Variants in SEC61A2 observed in about 807,000 individuals in gnomAD.
The protein encoded by SEC61A2 is SEC61 translocon subunit alpha 2.
In SEC61A2, 28 loss-of-function variants were observed where a neutral mutation model predicts 59.9. That is an observed-to-expected ratio of 0.47 (90% confidence interval 0.35 to 0.64). The LOEUF is 0.64. Ranked by LOEUF, SEC61A2 falls within the 30% of genes least tolerant of loss-of-function variation. SEC61A2 has a pLI of 0.01. For synonymous variants in SEC61A2, 202 were observed against 214.4 expected, an observed-to-expected ratio of 0.94 and a Z score of 0.50; for missense variants, 340 against 585.9, an observed-to-expected ratio of 0.58 and a Z score of 4.33.
At chr10:12,132,787 T>G (rs1833789425) in intron 1 of SEC61A2, among the ~76,000 whole-genome samples, 1 of 152,210 alleles carries the variant, frequency 6.6e-6, no homozygotes, top group Non-Finnish European at 1.5e-5. Context: ...ATACCTGCTT[T>G]CTTCTGTCAT....
chr10:12,153,939 A>G lies in SEC61A2; in HGVS notation c.463-1839A>G. 2.5e-6 allele frequency: 2 copies of G among 791,978 alleles called. No individual in the cohort carries two copies. The highest frequency in any genetic ancestry group is 3.8e-6 in the Non-Finnish European group (2 of 531,274). The allele number at this position is 791,978 out of a possible 1,614,324, so 49.1% of individuals were successfully genotyped here. A position where few individuals can be genotyped will look rare whatever the true frequency, so the allele number is the denominator to read the frequency against. On this transcript the variant is annotated intron_variant, in intron 6 of 11. Transcript: ENST00000298428. The surrounding 1 kb of genome is among the most constrained non-coding windows in gnomAD (Gnocchi z 5.2). ...AATCTACATAGCAGGTCTTGACTAA[A>G]AATTTTAAAAAACTATTAGAGAATA...
chr10:12,133,982 C>G (rs1413832707), intron 2 of SEC61A2, among the ~76,000 whole-genome samples: 2 of 152,150 alleles, frequency 1.3e-5, no homozygotes, highest in African/African-American at 4.8e-5. Flanking sequence ...GAATTTTAAA[C>G]TTACTATTTG....
Position 12,155,820 on chromosome 10 carries a change from C to CT in SEC61A2, c.506dup (p.Gln170ThrfsTer20). On this transcript the variant is annotated frameshift_variant, in exon 7 of 12. Transcript: ENST00000298428. LOFTEE classifies it high-confidence loss of function. This position sits in a 1 kb window ranked among gnomAD's most constrained non-coding sequence, Gnocchi z 4.3. ...GATTGTGCTGCTGTTAGATGAGCTGCTACAGAAGGGTTACGGCTTGGGGTC... is the reference window on the plus strand; with the variant it reads ...GATTGTGCTGCTGTTAGATGAGCTGCTTACAGAAGGGTTACGGCTTGGGGTC... 1 of 1,614,212 alleles carries CT rather than the reference C, an allele frequency of 6.2e-7. No individual in the cohort carries two copies. Among genetic ancestry groups the CT allele is most frequent in the Non-Finnish European group, 8.5e-7 (1 of 1,180,040 alleles).
rs533767063 is a variant in SEC61A2, at chr10:12,148,563, T to C, written c.221-1032T>C. On this transcript the variant is annotated intron_variant, in intron 4 of 11. Coordinates refer to ENST00000298428, the MANE Select transcript of SEC61A2 (RefSeq NM_018144.4). ...CCCGGCTTTTTTTTTTTCTTTGAGATGGAGTCTCACTCTTTCGCCAGGTTG... is the reference window on the plus strand; with the variant it reads ...CCCGGCTTTTTTTTTTTCTTTGAGACGGAGTCTCACTCTTTCGCCAGGTTG... 1.5e-3 allele frequency among the ~76,000 whole-genome samples: 215 copies of C among 142,290 alleles called. 2 individuals carry two copies. The highest frequency in any genetic ancestry group is 5.5e-3 in the African/African-American group (205 of 37,506). The allele number at this position is 142,290 out of a possible 152,430, so 93.3% of individuals were successfully genotyped here. A position where few individuals can be genotyped will look rare whatever the true frequency, so the allele number is the denominator to read the frequency against.
chr10:12,167,860 A>G (rs749752964), downstream of SEC61A2: 1 of 1,608,012 alleles, frequency 6.2e-7, no homozygotes, highest in Admixed American at 1.7e-5. Context: ...AAGGAAGGAC[A>G]AAACATCTTA....
intron 1 of SEC61A2, among the ~76,000 whole-genome samples, chr10:12,132,604 ACT>A (rs1291051096): frequency 8.2e-6 from 1 of 121,362 alleles, no homozygotes; most frequent in East Asian, 2.3e-4. Flanking sequence ...ACACAGCGAG[ACT>A]CTGTCTCAAA....
rs752701129 is a variant in SEC61A2 at position 12,153,633 on chromosome 10, A to T, written c.463-2145A>T. 109 of 1,244,276 alleles carry T rather than the reference A, an allele frequency of 8.8e-5. No homozygotes were observed. Among genetic ancestry groups the T allele is most frequent in the Non-Finnish European group, 1.2e-4 (106 of 902,304 alleles). 77.1% of individuals were successfully genotyped at this position (1,244,276 alleles called of 1,614,324 possible). On this transcript the variant is annotated intron_variant, in intron 6 of 11. Transcript: ENST00000298428. The surrounding 1 kb of genome is among the most constrained non-coding windows in gnomAD (Gnocchi z 5.2). ...CACTGATTCATTTACATGAATTCTG[A>T]TACACAAATATGCGTGTTATGGCTA...
chr10:12,162,548 A>G lies in SEC61A2; in HGVS notation c.1244+259A>G, dbSNP rs1441413612. 1.6e-6 allele frequency: 1 copy of G among 618,548 alleles called. No homozygotes were observed. The highest frequency in any genetic ancestry group is 3.0e-6 in the Non-Finnish European group (1 of 331,372). 38.3% of individuals were successfully genotyped at this position (618,548 alleles called of 1,614,324 possible). A position where few individuals can be genotyped will look rare whatever the true frequency, so the allele number is the denominator to read the frequency against. The stretch of plus-strand genomic sequence containing the variant: ...TGTTCTCAGCATTGGCTGGCTGCAC[A>G]TACAATCACCAGAGAGCTTTTAAAA... On this transcript the variant is annotated intron_variant, in intron 11 of 11. Transcript: ENST00000298428. This position sits in a 1 kb window ranked among gnomAD's most constrained non-coding sequence, Gnocchi z 6.1.
rs1365199700 is a variant in SEC61A2, at chr10:12,151,546, G to A, written c.462+1585G>A. Among the ~76,000 whole-genome samples the A allele has an allele frequency of 5.3e-5, 8 of 152,076 alleles. No homozygotes were observed. The South Asian group carries it at 6.2e-4, about 12-fold the overall frequency. The stretch of plus-strand genomic sequence containing the variant: ...AGGATGGTCTTGATCTCTTGACCTC[G>A]TGATCCGCCTGCCTCGGCCTCCCAA... On this transcript the variant is annotated intron_variant, in intron 6 of 11. Transcript: ENST00000298428.
rs1833679775 is a variant in SEC61A2, at chr10:12,129,691, A to G, written c.-97A>G. The stretch of plus-strand genomic sequence containing the variant: ...GCGGAGCCTGCGCGGGGCCGGTAGG[A>G]TCGCGTCGGGAGCCGGTACCGAGGC... On this transcript the variant is annotated 5_prime_UTR_variant, in exon 1 of 12. Transcript: ENST00000298428. This position sits in a 1 kb window ranked among gnomAD's most constrained non-coding sequence, Gnocchi z 5.6. The G allele has an allele frequency of 2.5e-6, 3 of 1,223,160 alleles. No individual in the cohort carries two copies. The highest frequency in any genetic ancestry group is 3.1e-5 in the East Asian group (1 of 31,774). The allele number at this position is 1,223,160 out of a possible 1,614,324, so 75.8% of individuals were successfully genotyped here. A position where few individuals can be genotyped will look rare whatever the true frequency, so the allele number is the denominator to read the frequency against.
At position 12,129,705 on chromosome 10, in the gene SEC61A2, C is replaced by T. The variant is rs1021370988; in HGVS notation, c.-83C>T. On this transcript the variant is annotated 5_prime_UTR_variant, in exon 1 of 12. Coordinates refer to ENST00000298428, the MANE Select transcript of SEC61A2 (RefSeq NM_018144.4). This position sits in a 1 kb window ranked among gnomAD's most constrained non-coding sequence, Gnocchi z 5.6. ...GGGCCGGTAGGATCGCGTCGGGAGC[C>T]GGTACCGAGGCCCGAGCCGCGGGAG... The T allele has an allele frequency of 6.0e-6, 8 of 1,338,248 alleles. No homozygotes were observed. Among genetic ancestry groups the T allele is most frequent in the East Asian group, 3.1e-5 (1 of 32,548 alleles). 82.9% of individuals were successfully genotyped at this position (1,338,248 alleles called of 1,614,324 possible).
At chr10:12,136,480 C>T (rs75200865) in intron 3 of SEC61A2, among the ~76,000 whole-genome samples, 4 of 151,704 alleles carry the variant, frequency 2.6e-5, no homozygotes, top group African/African-American at 7.3e-5. Flanking sequence ...GCTAAAGTCT[C>T]GCTCTGTTGC....
intron 2 of SEC61A2, among the ~76,000 whole-genome samples, chr10:12,134,457 C>T (rs781545013): frequency 6.6e-6 from 1 of 152,212 alleles, no homozygotes; most frequent in African/African-American, 2.4e-5. Context: ...TTCACCGAAT[C>T]GCGTGCACAT....
intron 11 of SEC61A2, among the ~76,000 whole-genome samples, chr10:12,163,845 C>T (rs778957206): frequency 6.6e-6 from 1 of 151,974 alleles, no homozygotes; most frequent in Non-Finnish European, 1.5e-5. Context: ...TTCAGTTTTC[C>T]AGGTGATTCT....
chr10:12,129,834 CGCA>C lies in SEC61A2; in HGVS notation c.7+42_7+44del. The C allele has an allele frequency of 7.3e-7, 1 of 1,361,606 alleles. No homozygotes were observed. The highest frequency in any genetic ancestry group is 9.5e-7 in the Non-Finnish European group (1 of 1,053,732). 84.3% of individuals were successfully genotyped at this position (1,361,606 alleles called of 1,614,324 possible). On this transcript the variant is annotated intron_variant, in intron 1 of 11. Transcript: ENST00000298428. The surrounding 1 kb of genome is among the most constrained non-coding windows in gnomAD (Gnocchi z 5.6). ...CTGGAGCGGGGACTCTGGCTGGGAA[CGCA>C]GGCCCCGCCTGGGCTGCGGGCGGTG...
downstream of SEC61A2, chr10:12,168,027 ATT>A (rs34620432): frequency 3.3e-3 from 2,039 of 611,052 alleles, no homozygotes; most frequent in South Asian, 6.7e-3. This position sits in a 1 kb window ranked among gnomAD's most constrained non-coding sequence, Gnocchi z 4.8. Context: ...AGGGATAATG[ATT>A]TTTTTTTTTT....
chr10:12,144,410 C>T (rs1427817926), intron 4 of SEC61A2, among the ~76,000 whole-genome samples: 1 of 152,116 alleles, frequency 6.6e-6, no homozygotes, highest in Non-Finnish European at 1.5e-5. Flanking sequence ...TACTTAATAT[C>T]TTACATGAGC....
At position 12,129,791 on chromosome 10, in the gene SEC61A2, G is replaced by C. The variant is rs1833684202; in HGVS notation, c.4G>C (p.Gly2Arg). Residue 2 changes from glycine (G) to arginine (R), a missense_variant, in exon 1 of 12, where the codon GGC (glycine) becomes CGC (arginine). Coordinates refer to ENST00000298428, the MANE Select transcript of SEC61A2 (RefSeq NM_018144.4). The surrounding 1 kb of genome is among the most constrained non-coding windows in gnomAD (Gnocchi z 5.6). ...CTGGGCCTCCCCAGCAGCAGCCATGGGCAGTGAGTAGCGGCGGCTGGAGCG... is the reference window on the plus strand; with the variant it reads ...CTGGGCCTCCCCAGCAGCAGCCATGCGCAGTGAGTAGCGGCGGCTGGAGCG... M[G>R]IKFLEVIKPF... The C allele has an allele frequency of 1.4e-6, 2 of 1,468,020 alleles. No individual in the cohort carries two copies. The highest frequency in any genetic ancestry group is 2.6e-5 in the Admixed American group (1 of 38,992). 90.9% of individuals were successfully genotyped at this position (1,468,020 alleles called of 1,614,324 possible).
At position 12,149,582 on chromosome 10, in the gene SEC61A2, C is replaced by T. The variant is rs1834229315; in HGVS notation, c.221-13C>T. The T allele has an allele frequency of 6.3e-7, 1 of 1,596,350 alleles. No individual in the cohort carries two copies. On this transcript the variant is annotated splice_polypyrimidine_tract_variant and intron_variant, in intron 4 of 11. Coordinates refer to ENST00000298428, the MANE Select transcript of SEC61A2 (RefSeq NM_018144.4). The surrounding 1 kb of genome is among the most constrained non-coding windows in gnomAD (Gnocchi z 5.2). ...CAGCAAACATTGCACACTTCTCTCC[C>T]CTTCCTTTCCAGGAACTTTAATGGA...
Sources: gnomAD v4.1 joint callset for allele counts (sites outside exome capture counted in the v4.1 genomes callset) on GRCh38, gnomAD v4.1.1 for gene constraint, Gnocchi (gnomAD v3.1) non-coding constraint, MANE v1.5 for transcripts, NCBI Gene and HGNC (gene_info 2026-07-23, HGNC 2026-07-21) for gene names.